The following CNBD1 variants were observed in gnomAD, a reference collection of about 807,000 sequenced individuals.
The protein encoded by CNBD1 is cyclic nucleotide binding domain containing 1.
CNBD1 carries 71 observed loss-of-function variants against 54.4 expected under a neutral mutation model. The observed-to-expected ratio is 1.30, with a 90% confidence interval of 1.08 to 1.59. The LOEUF (loss-of-function observed/expected upper bound fraction) is 1.59, where lower values mean the gene tolerates loss of function less well. Ranked by LOEUF, CNBD1 falls within the 40% of genes most tolerant of loss-of-function variation. The pLI is 0.00. For synonymous variants in CNBD1, 182 were observed against 170.7 expected, an observed-to-expected ratio of 1.07 and a Z score of -0.51; for missense variants, 659 against 518.0, an observed-to-expected ratio of 1.27 and a Z score of -2.64.
chr8:87,304,164 C>G (rs1002975512), intron 8 of CNBD1, among the ~76,000 whole-genome samples: 18 of 151,886 alleles, frequency 1.2e-4, no homozygotes, highest in Non-Finnish European at 2.5e-4. Flanking sequence ...ATAAATCATG[C>G]TGCTATAAAG....
At chr8:87,356,447 T>A (rs1193886635) in intron 10 of CNBD1, among the ~76,000 whole-genome samples, 1 of 152,214 alleles carries the variant, frequency 6.6e-6, no homozygotes, top group Non-Finnish European at 1.5e-5. Flanking sequence ...GTATCCTTGC[T>A]ATGCCCTAGC....
chr8:87,389,776 G>A (rs1811269859), intron 2 of CNBD1, among the ~76,000 whole-genome samples: 1 of 152,126 alleles, frequency 6.6e-6, no homozygotes, highest in Non-Finnish European at 1.5e-5. Flanking sequence ...CCAAAAAGGA[G>A]CCCGCATTGC....
At chr8:87,293,764 C>A (rs1808826369) in intron 8 of CNBD1, among the ~76,000 whole-genome samples, 3 of 152,154 alleles carry the variant, frequency 2.0e-5, no homozygotes, top group Admixed American at 2.0e-4. Context: ...AATATCAACA[C>A]ACACAGTGGA....
At chr8:87,403,997 G>T (rs780186928) in intron 2 of CNBD1, among the ~76,000 whole-genome samples, 7 of 152,024 alleles carry the variant, frequency 4.6e-5, no homozygotes, top group Non-Finnish European at 5.9e-5. Flanking sequence ...TTACACTTCA[G>T]ATGTCCAGAT....
chr8:87,091,551 C>G (rs750552697), intron 4 of CNBD1, among the ~76,000 whole-genome samples: 11 of 152,162 alleles, frequency 7.2e-5, no homozygotes, highest in Non-Finnish European at 1.3e-4. Context: ...CATCTTGACT[C>G]TTGAGTCTTT....
intron 5 of CNBD1, among the ~76,000 whole-genome samples, chr8:87,208,266 G>A (rs1164316714): frequency 2.6e-5 from 4 of 151,956 alleles, no homozygotes; most frequent in Admixed American, 2.6e-4. Context: ...TAAGCCTCTT[G>A]ATCATTCAGG....
chr8:86,879,918 G>A (rs1197195006), intron 1 of CNBD1, among the ~76,000 whole-genome samples: 5 of 152,096 alleles, frequency 3.3e-5, no homozygotes, highest in Admixed American at 2.6e-4. Flanking sequence ...GAGGAACTTA[G>A]AGGGTGGTGT....
intron 4 of CNBD1, among the ~76,000 whole-genome samples, chr8:87,158,816 A>T (rs76663052): frequency 0.02 from 3,026 of 152,256 alleles, 112 homozygotes; most frequent in African/African-American, 0.069. Context: ...GTTTATATAA[A>T]CTACAAAGAC....
At chr8:87,222,776 TTCTC>T (rs1013309741) in intron 5 of CNBD1, among the ~76,000 whole-genome samples, 38 of 152,168 alleles carry the variant, frequency 2.5e-4, no homozygotes, top group African/African-American at 8.7e-4. Context: ...TAATTAAACT[TTCTC>T]TAACTAGTAT....
At position 86,905,115 on chromosome 8, in the gene CNBD1, A is replaced by G; in HGVS notation, c.193A>G (p.Thr65Ala). Residue 65 changes from threonine to alanine, a missense_variant, in exon 3 of 11, where the codon ACA (threonine) becomes GCA (alanine). Transcript: ENST00000518476. ...SMSNILSAHD[T>A]FMKQYPKVFL... ...GAGCAATATCTTATCAGCTCACGATACATTTATGAAGCAATATCCTAAAGT... is the reference window on the plus strand; with the variant it reads ...GAGCAATATCTTATCAGCTCACGATGCATTTATGAAGCAATATCCTAAAGT... The G allele has an allele frequency of 1.2e-6, 2 of 1,611,962 alleles. No homozygotes were observed. Among genetic ancestry groups the G allele is most frequent in the Non-Finnish European group, 1.7e-6 (2 of 1,178,582 alleles).
chr8:87,062,179 G>T (rs560126836), intron 4 of CNBD1, among the ~76,000 whole-genome samples: 1 of 152,156 alleles, frequency 6.6e-6, no homozygotes, highest in South Asian at 2.1e-4. Context: ...TTTCTATGTA[G>T]GTTTATATTT....
At chr8:86,932,516 A>G (rs1318082343) in intron 3 of CNBD1, among the ~76,000 whole-genome samples, 4 of 152,154 alleles carry the variant, frequency 2.6e-5, no homozygotes, top group African/African-American at 9.7e-5. Context: ...GTAGATTGCA[A>G]ACTTTGCATA....
intron 4 of CNBD1, among the ~76,000 whole-genome samples, chr8:86,984,695 C>A (rs368125695): frequency 4.0e-4 from 61 of 152,216 alleles, no homozygotes; most frequent in African/African-American, 1.4e-3. Flanking sequence ...TTGCATGAGG[C>A]CTGCAGCACC....
chr8:87,080,821 G>A (rs1208447707), intron 4 of CNBD1, among the ~76,000 whole-genome samples: 2 of 152,046 alleles, frequency 1.3e-5, no homozygotes, highest in Admixed American at 6.6e-5. Flanking sequence ...TCTTCAAAAT[G>A]TTTTTTGGTC....
intron 6 of CNBD1, among the ~76,000 whole-genome samples, chr8:87,246,947 C>T (rs1012578082): frequency 9.2e-5 from 14 of 152,098 alleles, no homozygotes; most frequent in East Asian, 3.9e-4. Flanking sequence ...TGGAACTAGA[C>T]GGTCCCATCT....
chr8:87,314,041 T>C (rs889142193), intron 8 of CNBD1, among the ~76,000 whole-genome samples: 1 of 151,974 alleles, frequency 6.6e-6, no homozygotes, highest in Non-Finnish European at 1.5e-5. Flanking sequence ...AATAATAGCA[T>C]GAATGCTTTA....
chr8:87,157,714 A>G (rs1812774913), intron 4 of CNBD1, among the ~76,000 whole-genome samples: 1 of 152,244 alleles, frequency 6.6e-6, no homozygotes. Flanking sequence ...GGGGTCTCAA[A>G]ATCCTGAGGA....
intron 10 of CNBD1, among the ~76,000 whole-genome samples, chr8:87,359,490 C>T (rs886265711): frequency 6.6e-6 from 1 of 151,998 alleles, no homozygotes; most frequent in African/African-American, 2.4e-5. Flanking sequence ...TCTAATATTT[C>T]ATATTCTATT....
chr8:87,265,628 A>G (rs1188164579), intron 6 of CNBD1, among the ~76,000 whole-genome samples: 1 of 152,174 alleles, frequency 6.6e-6, no homozygotes, highest in African/African-American at 2.4e-5. Flanking sequence ...TGAGGATGGC[A>G]GTTTCAATCT....
Sources: allele counts gnomAD v4.1 joint callset (sites outside exome capture counted in the v4.1 genomes callset), GRCh38; gene constraint gnomAD v4.1.1; transcripts MANE v1.5; gene names NCBI Gene and HGNC (gene_info 2026-07-23, HGNC 2026-07-21).